Variants in COMMD10 observed in about 807,000 individuals in gnomAD.
COMMD10 encodes the protein COMM domain containing 10.
A neutral mutation model predicts 28.9 loss-of-function variants in COMMD10; 33 were observed. The observed-to-expected ratio is 1.14, with a 90% CI of 0.87 to 1.53. The LOEUF is 1.53. COMMD10 is among the 40% of genes most tolerant of loss of function. COMMD10 has a pLI of 0.00. For missense variants in COMMD10, 310 were observed against 233.4 expected (o/e 1.33, Z -2.14); for synonymous variants, 110 against 81.7 (o/e 1.35, Z -1.87).
intron 5 of COMMD10, among the ~76,000 whole-genome samples, chr5:116,194,572 G>C (rs1363391172): frequency 6.6e-6 from 1 of 152,112 alleles, no homozygotes; most frequent in African/African-American, 2.4e-5. Flanking sequence ...ACCAAGAAGA[G>C]ATGGATAAAT....
intron 4 of COMMD10, among the ~76,000 whole-genome samples, chr5:116,093,154 G>T (rs187388315): frequency 6.6e-6 from 1 of 152,188 alleles, no homozygotes; most frequent in African/African-American, 2.4e-5. Flanking sequence ...TCGCAATTTC[G>T]ATATACTTTT....
chr5:116,137,687 A>G (rs9285884), intron 5 of COMMD10, among the ~76,000 whole-genome samples: 2 of 151,880 alleles, frequency 1.3e-5, no homozygotes, highest in African/African-American at 2.4e-5. Context: ...CTAACATACA[A>G]ATGAAAAATG....
intron 5 of COMMD10, among the ~76,000 whole-genome samples, chr5:116,172,046 A>T (rs1364724618): frequency 6.6e-6 from 1 of 152,154 alleles, no homozygotes; most frequent in African/African-American, 2.4e-5. Flanking sequence ...TGTCCAAAAT[A>T]AGATTTTGCT....
intron 5 of COMMD10, among the ~76,000 whole-genome samples, chr5:116,232,546 C>G (rs1483411328): frequency 6.6e-6 from 1 of 151,864 alleles, no homozygotes; most frequent in African/African-American, 2.4e-5. Context: ...ACTAAAAATA[C>G]AAAAATTAGC....
intron 4 of COMMD10, among the ~76,000 whole-genome samples, chr5:116,120,960 T>C (rs1340302929): frequency 6.6e-6 from 1 of 152,118 alleles, no homozygotes; most frequent in Non-Finnish European, 1.5e-5. Flanking sequence ...TGTATATGTA[T>C]ATGTTTTTGT....
At chr5:116,232,230 C>G (rs1749545979) in intron 5 of COMMD10, among the ~76,000 whole-genome samples, 1 of 152,034 alleles carries the variant, frequency 6.6e-6, no homozygotes, top group Non-Finnish European at 1.5e-5. Flanking sequence ...GTAACTTACC[C>G]ATTGGCTTAC....
chr5:116,243,975 G>T (rs111752974), intron 5 of COMMD10, among the ~76,000 whole-genome samples: 2 of 152,030 alleles, frequency 1.3e-5, no homozygotes, highest in Non-Finnish European at 2.9e-5. Context: ...ATGGAAAGCC[G>T]GGAGGAAAAC....
At chr5:116,119,938 TG>T (rs1026721390) in intron 4 of COMMD10, among the ~76,000 whole-genome samples, 1 of 152,124 alleles carries the variant, frequency 6.6e-6, no homozygotes, top group Non-Finnish European at 1.5e-5. Context: ...TAAAAAATAA[TG>T]TTTTATAATT....
Position 116,110,806 on chromosome 5 carries a change from G to C in COMMD10, c.399+18106G>C, listed in dbSNP as rs187550798. ...GTCAGAGCAGGAACAAGAGAGGAAGGGGGGAGGTGCTACACACTTTTAAAC... is the reference window on the plus strand; with the variant it reads ...GTCAGAGCAGGAACAAGAGAGGAAGCGGGGAGGTGCTACACACTTTTAAAC... On this transcript the variant is annotated intron_variant, in intron 4 of 6. Coordinates refer to ENST00000274458, the MANE Select transcript of COMMD10 (RefSeq NM_016144.4). 1.6e-4 allele frequency among the ~76,000 whole-genome samples: 25 copies of C among 152,086 alleles called. No homozygotes were observed. The East Asian group carries it at 2.5e-3, about 15-fold the overall frequency.
At chr5:116,196,290 A>G (rs1340260839) in intron 5 of COMMD10, among the ~76,000 whole-genome samples, 1 of 152,076 alleles carries the variant, frequency 6.6e-6, no homozygotes, top group Non-Finnish European at 1.5e-5. Context: ...TGTGGGAGCT[A>G]AGCTATGAGG....
chr5:116,259,300 TC>T (rs1750375440), intron 5 of COMMD10, among the ~76,000 whole-genome samples: 1 of 151,534 alleles, frequency 6.6e-6, no homozygotes, highest in Admixed American at 6.6e-5. Context: ...CTTTAATTTT[TC>T]ATTTTCTTTT....
chr5:116,121,523 T>C (rs1455137773), intron 4 of COMMD10, among the ~76,000 whole-genome samples: 1 of 152,210 alleles, frequency 6.6e-6, no homozygotes, highest in Non-Finnish European at 1.5e-5. Flanking sequence ...GGTCACATGG[T>C]ATTTCTAGTT....
At chr5:116,210,573 A>C (rs1413876367) in intron 5 of COMMD10, among the ~76,000 whole-genome samples, 1 of 152,070 alleles carries the variant, frequency 6.6e-6, no homozygotes, top group African/African-American at 2.4e-5. Flanking sequence ...CAAACTTACT[A>C]TTAGACATTG....
chr5:116,267,751 A>T (rs1258321028), intron 5 of COMMD10, among the ~76,000 whole-genome samples: 1 of 151,920 alleles, frequency 6.6e-6, no homozygotes, highest in African/African-American at 2.4e-5. Flanking sequence ...CAAAACAGAG[A>T]TATAGCTCAA....
intron 5 of COMMD10, among the ~76,000 whole-genome samples, chr5:116,181,894 C>T (rs1165915776): frequency 1.3e-5 from 2 of 151,972 alleles, no homozygotes; most frequent in Non-Finnish European, 1.5e-5. Context: ...CTAATATGTG[C>T]CAGGCATATT....
chr5:116,165,262 G>A (rs566066132), intron 5 of COMMD10, among the ~76,000 whole-genome samples: 1 of 152,124 alleles, frequency 6.6e-6, no homozygotes, highest in Non-Finnish European at 1.5e-5. Flanking sequence ...CCTTAATCGA[G>A]TTCTCCTGGC....
chr5:116,225,539 C>T (rs558101211), intron 5 of COMMD10, among the ~76,000 whole-genome samples: 1 of 152,078 alleles, frequency 6.6e-6, no homozygotes, highest in East Asian at 1.9e-4. Flanking sequence ...TCAGCTTACA[C>T]CTTTCCTCTG....
chr5:116,138,772 C>T (rs1418836032), intron 5 of COMMD10, among the ~76,000 whole-genome samples: 4 of 151,636 alleles, frequency 2.6e-5, no homozygotes, highest in African/African-American at 4.8e-5. Flanking sequence ...GCTTCTAATA[C>T]TAGTTTTCTG....
At chr5:116,203,664 A>G (rs572790556) in intron 5 of COMMD10, among the ~76,000 whole-genome samples, 2 of 152,136 alleles carry the variant, frequency 1.3e-5, no homozygotes, top group Non-Finnish European at 2.9e-5. Flanking sequence ...AAGGAGAAAT[A>G]AAATACTTTA....
Sources: allele counts gnomAD v4.1 joint callset (sites outside exome capture counted in the v4.1 genomes callset), GRCh38; gene constraint gnomAD v4.1.1; transcripts MANE v1.5; gene names NCBI Gene and HGNC (gene_info 2026-07-23, HGNC 2026-07-21).